PEX14: variants seen among roughly 807,000 people sequenced by gnomAD.
PEX14 encodes the protein peroxisomal biogenesis factor 14.
A neutral mutation model predicts 49.5 loss-of-function variants in PEX14; 15 were observed. The ratio of observed to expected loss-of-function variants is 0.30; its 90% CI spans 0.20 to 0.47. The LOEUF (loss-of-function observed/expected upper bound fraction) is 0.47. PEX14 is among the 20% of genes least tolerant of loss of function. PEX14 has a pLI of 1.00. For synonymous variants in PEX14, 210 were observed against 212.7 expected, an observed-to-expected ratio of 0.99 and a Z score of 0.11; for missense variants, 398 against 494.8, an observed-to-expected ratio of 0.80 and a Z score of 1.86.
intron 3 of PEX14, among the ~76,000 whole-genome samples, chr1:10,560,353 G>A (rs556137189): frequency 4.0e-5 from 6 of 151,156 alleles, no homozygotes; most frequent in African/African-American, 9.7e-5. Flanking sequence ...CACCATGCCC[G>A]GCCTTCCATC....
intron 5 of PEX14, among the ~76,000 whole-genome samples, chr1:10,618,951 A>G (rs979764426): frequency 3.3e-5 from 5 of 152,250 alleles, no homozygotes; most frequent in Non-Finnish European, 5.9e-5. Flanking sequence ...TGCCCGGCAC[A>G]TGGAAGTGCT....
rs1331052729 is a variant in PEX14, at chr1:10,629,643, A to T, written c.790A>T (p.Ile264Phe). Residue 264 changes from isoleucine to phenylalanine, a missense_variant, in exon 9 of 9, where the codon ATC (isoleucine) becomes TTC (phenylalanine). Around this residue, in one of 3 missense-constraint regions of PEX14, gnomAD observed 202 missense variants for 298.5 expected, o/e 0.68. Transcript: ENST00000356607. This position sits in a 1 kb window ranked among gnomAD's most constrained non-coding sequence, Gnocchi z 8.5. ...AAVNHHSSSD[I>F]SPVSNESTSS... ...CGTGAACCACCACAGCAGCAGCGACATCTCACCTGTCAGCAACGAGTCCAC... is the reference window on the plus strand; with the variant it reads ...CGTGAACCACCACAGCAGCAGCGACTTCTCACCTGTCAGCAACGAGTCCAC... 1 of 1,613,776 alleles carries T rather than the reference A, an allele frequency of 6.2e-7. No individual in the cohort carries two copies. The highest frequency in any genetic ancestry group is 2.2e-5 in the East Asian group (1 of 44,858).
chr1:10,627,150 G>A (rs1641771213), intron 7 of PEX14, 122 bp from the exon 8 acceptor site: 21 of 761,300 alleles, frequency 2.8e-5, no homozygotes, highest in South Asian at 1.1e-4. Context: ...ACCTTCCCCC[G>A]GGTTCCCCAG....
intron 3 of PEX14, among the ~76,000 whole-genome samples, chr1:10,550,910 A>G (rs1329939796): frequency 6.6e-6 from 1 of 152,218 alleles, no homozygotes; most frequent in African/African-American, 2.4e-5. Context: ...CTACATAGGA[A>G]GTGAATTTAA....
intron 1 of PEX14, 84 bp downstream of exon 1, chr1:10,475,086 G>C: frequency 7.4e-7 from 1 of 1,354,446 alleles, no homozygotes; most frequent in Non-Finnish European, 1.0e-6. Flanking sequence ...GCCGGGTAGG[G>C]ACCCCGAGTC....
At position 10,537,344 on chromosome 1, in the gene PEX14, C is replaced by G. The variant is rs562016458; in HGVS notation, c.169+1047C>G. On this transcript the variant is annotated intron_variant, in intron 3 of 8. Coordinates refer to ENST00000356607, the MANE Select transcript of PEX14 (RefSeq NM_004565.3). Reference sequence around the variant, plus strand: ...TCACTGGCTGCATTGTGCCAGCACCCCCCCCCCCCGCCATCATTAGGAGAT... The same window carrying G: ...TCACTGGCTGCATTGTGCCAGCACCGCCCCCCCCCGCCATCATTAGGAGAT... Among the ~76,000 whole-genome samples, 21 of 64,316 alleles carry G rather than the reference C, an allele frequency of 3.3e-4. 6 individuals carry two copies. Among genetic ancestry groups the G allele is most frequent in the African/African-American group, 9.9e-4 (19 of 19,168 alleles). The allele number at this position is 64,316 out of a possible 152,430, so 42.2% of individuals were successfully genotyped here.
intron 2 of PEX14, among the ~76,000 whole-genome samples, chr1:10,501,231 G>C (rs1641671438): frequency 6.6e-6 from 1 of 152,218 alleles, no homozygotes; most frequent in African/African-American, 2.4e-5. Flanking sequence ...AGGAATGTCT[G>C]TCGGGATGCA....
At chr1:10,593,282 A>T (rs1640724311) in intron 3 of PEX14, among the ~76,000 whole-genome samples, 1 of 152,190 alleles carries the variant, frequency 6.6e-6, no homozygotes, top group Admixed American at 6.5e-5. Context: ...TTGGTTAGAT[A>T]TCTTTCTTTC....
At chr1:10,518,364 G>C (rs1642007364) in intron 2 of PEX14, among the ~76,000 whole-genome samples, 1 of 152,138 alleles carries the variant, frequency 6.6e-6, no homozygotes, top group Non-Finnish European at 1.5e-5. Flanking sequence ...CACGGCTGAT[G>C]GCAAACCCGA....
intron 1 of PEX14, among the ~76,000 whole-genome samples, chr1:10,488,443 C>T (rs1641410637): frequency 6.6e-6 from 1 of 152,136 alleles, no homozygotes; most frequent in Non-Finnish European, 1.5e-5. Flanking sequence ...AGGCGTGAGC[C>T]ACCGCACCTG....
intron 3 of PEX14, among the ~76,000 whole-genome samples, chr1:10,561,937 C>G (rs1639663398): frequency 6.6e-6 from 1 of 151,970 alleles, no homozygotes; most frequent in South Asian, 2.1e-4. Flanking sequence ...TGTCATTTTT[C>G]TTCCTTTTTA....
intron 3 of PEX14, among the ~76,000 whole-genome samples, chr1:10,571,956 A>G (rs1287383131): frequency 6.6e-6 from 1 of 152,222 alleles, no homozygotes; most frequent in Non-Finnish European, 1.5e-5. Flanking sequence ...CCCTTCAACC[A>G]TCATCAGTTT....
At chr1:10,573,168 TAACTG>T (rs1291266506) in intron 3 of PEX14, among the ~76,000 whole-genome samples, 2 of 152,242 alleles carry the variant, frequency 1.3e-5, no homozygotes, top group Non-Finnish European at 2.9e-5. Context: ...AGTCCATCGT[TAACTG>T]AAATATCATG....
intron 2 of PEX14, chr1:10,516,981 A>G (rs1349602255): frequency 6.6e-6 from 1 of 152,146 alleles, no homozygotes; most frequent in Non-Finnish European, 1.5e-5. Flanking sequence ...GTTTTAGTTC[A>G]GCCTTGGGAT....
intron 3 of PEX14, among the ~76,000 whole-genome samples, chr1:10,544,921 C>A (rs1309631947): frequency 6.6e-6 from 1 of 152,078 alleles, no homozygotes; most frequent in Non-Finnish European, 1.5e-5. Context: ...GCCACCAAAC[C>A]CGGCTAATTT....
In PEX14 at chr1:10,629,897, G is replaced by C; in HGVS notation, c.1044G>C (p.Glu348Asp). 2 of 1,613,578 alleles carry C rather than the reference G, an allele frequency of 1.2e-6. No homozygotes were observed. Among genetic ancestry groups the C allele is most frequent in the African/African-American group, 1.3e-5 (1 of 74,932 alleles). ...DEEDCLGVQR[E>D]DRRGGDGQIN... ...AGGACTGCCTGGGGGTGCAGAGGGA[G>C]GACCGCCGGGGCGGGGATGGGCAGA... The change falls in exon 9 of 9, where the codon GAG becomes GAC. Residue 348 changes from glutamate (E) to aspartate (D), a missense_variant. This residue lies in a region of PEX14 where 140 missense variants were observed against 155.5 expected (regional missense o/e 0.90). Coordinates refer to ENST00000356607, the MANE Select transcript of PEX14 (RefSeq NM_004565.3). This position sits in a 1 kb window ranked among gnomAD's most constrained non-coding sequence, Gnocchi z 8.5.
At chr1:10,609,529 C>T (rs1398852171) in intron 4 of PEX14, among the ~76,000 whole-genome samples, 1 of 152,174 alleles carries the variant, frequency 6.6e-6, no homozygotes, top group African/African-American at 2.4e-5. Context: ...TTTTCCCCTG[C>T]CTCTGGTTTC....
chr1:10,559,919 G>A (rs145384895), intron 3 of PEX14, among the ~76,000 whole-genome samples: 12 of 152,194 alleles, frequency 7.9e-5, no homozygotes, highest in African/African-American at 2.4e-4. Flanking sequence ...TCCACTCTGC[G>A]TTGCTGCCAG....
At chr1:10,580,317 C>G (rs1251048194) in intron 3 of PEX14, among the ~76,000 whole-genome samples, 1 of 152,094 alleles carries the variant, frequency 6.6e-6, no homozygotes, top group Non-Finnish European at 1.5e-5. Flanking sequence ...TTCTGCCTCC[C>G]AGGTTCAAGC....
Sources: gnomAD v4.1 joint callset for allele counts (sites outside exome capture counted in the v4.1 genomes callset) on GRCh38, gnomAD v4.1.1 for gene constraint, gnomAD v4.1.1 regional missense constraint, Gnocchi (gnomAD v3.1) non-coding constraint, MANE v1.5 for transcripts, NCBI Gene and HGNC (gene_info 2026-07-23, HGNC 2026-07-21) for gene names.